Variants in CRACD observed in about 807,000 individuals in gnomAD.
CRACD encodes the protein capping protein-inhibiting regulator of actin dynamics.
CRACD carries 56 observed loss-of-function variants against 106.8 expected under a neutral mutation model. The ratio of observed to expected loss-of-function variants is 0.52; its 90% CI spans 0.42 to 0.66. The LOEUF (loss-of-function observed/expected upper bound fraction) is 0.66, where lower values mean the gene tolerates loss of function less well. Ranked by LOEUF, CRACD falls within the 30% of genes least tolerant of loss-of-function variation. CRACD has a pLI of 0.00. For missense variants in CRACD, 1,730 were observed against 1,623.2 expected, an observed-to-expected ratio of 1.07 and a Z score of -1.13; for synonymous variants, 754 against 670.8, an observed-to-expected ratio of 1.12 and a Z score of -1.92.
At chr4:56,088,146 T>G (rs1034851397) in intron 1 of CRACD, among the ~76,000 whole-genome samples, 1 of 151,914 alleles carries the variant, frequency 6.6e-6, no homozygotes, top group East Asian at 1.9e-4. Flanking sequence ...TTTTTTTTTT[T>G]TTTCTTTTCA....
rs1745656552 is a variant in CRACD at position 56,316,431 on chromosome 4, C to T, written c.2929C>T (p.Leu977Phe). Reference sequence around the variant, plus strand: ...CAGTCAGACCCCACCAGCATCCCCACTTTCCAAACTGAGCAGGCCCTACTT... The same window carrying T: ...CAGTCAGACCCCACCAGCATCCCCATTTTCCAAACTGAGCAGGCCCTACTT... ...PTSQTPPASP[L>F]SKLSRPYLVE... is the part of the protein sequence containing the mutation. Residue 977 changes from leucine to phenylalanine, a missense_variant, in exon 8 of 11, where the codon CTT becomes TTT. Around this residue, in one of 5 missense-constraint regions of CRACD, gnomAD observed 1,620 missense variants for 1,481.6 expected, o/e 1.09. Transcript: ENST00000682029. 1 of 1,614,160 alleles carries T rather than the reference C, an allele frequency of 6.2e-7. No homozygotes were observed. The highest frequency in any genetic ancestry group is 8.5e-7 in the Non-Finnish European group (1 of 1,179,980).
In CRACD at chr4:56,315,567, G is replaced by C; in HGVS notation, c.2065G>C (p.Asp689His). The stretch of plus-strand genomic sequence containing the variant: ...GAGTGACCCGCGCAGCAGCGAGAGG[G>C]ACCAGTTGAGGCCCGGTGATGAGTC... ...AESDPRSSER[D>H]QLRPGDESTP... Residue 689 changes from aspartate (D) to histidine (H), a missense_variant, in exon 8 of 11, where the codon GAC (aspartate) becomes CAC (histidine). Asp to His is a moderately conservative substitution (Grantham distance 81). Around this residue, in one of 5 missense-constraint regions of CRACD, gnomAD observed 1,620 missense variants for 1,481.6 expected, o/e 1.09. Transcript: ENST00000682029. This position sits in a 1 kb window ranked among gnomAD's most constrained non-coding sequence, Gnocchi z 4.1. 6.2e-7 allele frequency: 1 copy of C among 1,614,136 alleles called. No individual in the cohort carries two copies. Among genetic ancestry groups the C allele is most frequent in the Non-Finnish European group, 8.5e-7 (1 of 1,180,016 alleles).
At chr4:56,236,930 TC>T (rs1740010637) in intron 2 of CRACD, among the ~76,000 whole-genome samples, 1 of 152,154 alleles carries the variant, frequency 6.6e-6, no homozygotes, top group East Asian at 1.9e-4. Flanking sequence ...TTCAGAGAAA[TC>T]TCATGCATCA....
intron 2 of CRACD, among the ~76,000 whole-genome samples, chr4:56,256,257 G>GT (rs1186162843): frequency 3.3e-5 from 5 of 152,144 alleles, no homozygotes; most frequent in Non-Finnish European, 1.5e-5. Flanking sequence ...AGTCTCAAGA[G>GT]GTCAGATGGT....
At chr4:56,200,220 G>C (rs1014346781) in intron 2 of CRACD, among the ~76,000 whole-genome samples, 1 of 151,710 alleles carries the variant, frequency 6.6e-6, no homozygotes, top group Non-Finnish European at 1.5e-5. Flanking sequence ...ACACTATGCT[G>C]TTGATAAATG....
intron 1 of CRACD, among the ~76,000 whole-genome samples, chr4:56,065,730 C>T (rs561507274): frequency 6.6e-6 from 1 of 152,118 alleles, no homozygotes; most frequent in Non-Finnish European, 1.5e-5. Context: ...GTGTACTATT[C>T]AGTGGGATTA....
At chr4:56,222,585 G>T (rs564954758) in intron 2 of CRACD, among the ~76,000 whole-genome samples, 25 of 152,110 alleles carry the variant, frequency 1.6e-4, no homozygotes, top group African/African-American at 5.8e-4. Context: ...AAATTTAAAA[G>T]AATTCACTTT....
chr4:56,181,135 G>C (rs185376366), intron 2 of CRACD, among the ~76,000 whole-genome samples: 40 of 152,258 alleles, frequency 2.6e-4, no homozygotes, highest in Non-Finnish European at 4.7e-4. Flanking sequence ...CACGTTACTA[G>C]GATATTAGAA....
At chr4:56,055,023 A>C (rs1732006867) in intron 1 of CRACD, among the ~76,000 whole-genome samples, 1 of 152,218 alleles carries the variant, frequency 6.6e-6, no homozygotes, top group Non-Finnish European at 1.5e-5. Context: ...TCCCTGAAAC[A>C]CTTTAAAAAA....
intron 1 of CRACD, among the ~76,000 whole-genome samples, chr4:56,070,369 G>C (rs571763780): frequency 6.8e-6 from 1 of 146,578 alleles, no homozygotes; most frequent in East Asian, 2.0e-4. Context: ...GCGCCATCTC[G>C]GCTCACTGCA....
chr4:56,210,109 A>G (rs1019267614), intron 2 of CRACD, among the ~76,000 whole-genome samples: 5 of 152,194 alleles, frequency 3.3e-5, no homozygotes, highest in Non-Finnish European at 7.4e-5. Flanking sequence ...CACCATGGCT[A>G]CCTATGCAGA....
intron 2 of CRACD, among the ~76,000 whole-genome samples, chr4:56,200,169 T>C (rs549201362): frequency 1.9e-4 from 29 of 151,624 alleles, no homozygotes; most frequent in African/African-American, 6.8e-4. Flanking sequence ...AAATAGAAAG[T>C]TCTAATAGAA....
intron 1 of CRACD, among the ~76,000 whole-genome samples, chr4:56,116,670 T>G (rs536035323): frequency 7.2e-5 from 11 of 152,174 alleles, no homozygotes; most frequent in Non-Finnish European, 1.3e-4. Flanking sequence ...TGCATCTTCT[T>G]TTTGTTTTTT....
chr4:56,089,813 A>C (rs571466910), intron 1 of CRACD, among the ~76,000 whole-genome samples: 7 of 151,948 alleles, frequency 4.6e-5, no homozygotes, highest in African/African-American at 1.7e-4. Flanking sequence ...GTGCCTGGCT[A>C]TAGGATTTTA....
chr4:56,068,651 G>C (rs902660931), intron 1 of CRACD, among the ~76,000 whole-genome samples: 3 of 152,170 alleles, frequency 2.0e-5, no homozygotes, highest in African/African-American at 7.2e-5. Flanking sequence ...TTTGGAGTTA[G>C]AGCCAATAGG....
At chr4:56,051,969 C>A (rs988231800) in intron 1 of CRACD, among the ~76,000 whole-genome samples, 4 of 152,304 alleles carry the variant, frequency 2.6e-5, no homozygotes, top group South Asian at 2.1e-4. Flanking sequence ...GTGGGCATAG[C>A]ACAATGTTTA....
chr4:56,062,680 C>T (rs533364916), intron 1 of CRACD, among the ~76,000 whole-genome samples: 45 of 152,300 alleles, frequency 3.0e-4, no homozygotes, highest in Middle Eastern at 6.8e-3. Flanking sequence ...CTTCTGCTGA[C>T]GTGGAATCCA....
chr4:56,135,973 A>T (rs917324360), intron 1 of CRACD, among the ~76,000 whole-genome samples: 2 of 152,022 alleles, frequency 1.3e-5, no homozygotes, highest in African/African-American at 4.8e-5. Context: ...ACTATAAATT[A>T]CTTTGCATTT....
rs185105565 is a variant in CRACD, at chr4:56,227,084, T to G, written c.-188-45237T>G. 2.0e-3 allele frequency among the ~76,000 whole-genome samples: 311 copies of G among 152,250 alleles called. 1 individual carries two copies. Among genetic ancestry groups the G allele is most frequent in the Admixed American group, 3.0e-3 (46 of 15,288 alleles). ...TAAAGCTCCTCTCTTTATAAATTAC[T>G]CAACCTTGGATGTTCCTTTATAGCA... On this transcript the variant is annotated intron_variant, in intron 2 of 10. Coordinates refer to ENST00000682029, the MANE Select transcript of CRACD (RefSeq NM_001393381.1).
Sources: gnomAD v4.1 joint callset for allele counts (sites outside exome capture counted in the v4.1 genomes callset) on GRCh38, gnomAD v4.1.1 for gene constraint, gnomAD v4.1.1 regional missense constraint, Gnocchi (gnomAD v3.1) non-coding constraint, MANE v1.5 for transcripts, NCBI Gene and HGNC (gene_info 2026-07-23, HGNC 2026-07-21) for gene names.